Variants in CEP89 observed in about 807,000 individuals in gnomAD.
CEP89 encodes the protein centrosomal protein 89.
CEP89 carries 95 observed loss-of-function variants against 97.6 expected under a neutral mutation model. That is an observed-to-expected ratio of 0.97 (90% CI 0.82 to 1.15). The LOEUF is 1.15. Ranked by LOEUF, CEP89 falls within the 50% of genes most tolerant of loss-of-function variation. CEP89 has a pLI of 0.00. For missense variants in CEP89, 869 were observed against 947.7 expected (o/e 0.92, Z 1.09); for synonymous variants, 354 against 349.1 (o/e 1.01, Z -0.16).
intron 5 of CEP89, among the ~76,000 whole-genome samples, chr19:32,941,411 G>C (rs563738099): frequency 3.4e-4 from 52 of 152,220 alleles, no homozygotes; most frequent in African/African-American, 1.2e-3. Flanking sequence ...GCTGAGGCAG[G>C]AGAATTGCTT....
chr19:32,923,612 G>A (rs1299967333), intron 11 of CEP89, 70 bp from the exon 12 acceptor site: 20 of 971,046 alleles, frequency 2.1e-5, no homozygotes, highest in South Asian at 9.8e-5. Context: ...TTCTGGTGCT[G>A]CTGCTGTGGC....
At chr19:32,971,659 A>T (rs1276679653) in intron 1 of CEP89, 177 bp downstream of exon 1, 1 of 120,332 alleles carries the variant, frequency 8.3e-6, no homozygotes, top group Non-Finnish European at 1.5e-5. Flanking sequence ...CCTGTTTCTT[A>T]AAAAAAAAAA....
chr19:32,947,098 G>A (rs1036640291), intron 5 of CEP89, among the ~76,000 whole-genome samples: 7 of 152,142 alleles, frequency 4.6e-5, no homozygotes, highest in African/African-American at 7.2e-5. Context: ...TTACAGAAAC[G>A]TTTCCCTGAG....
At chr19:32,952,665 A>C (rs1970946530) in intron 4 of CEP89, among the ~76,000 whole-genome samples, 1 of 152,012 alleles carries the variant, frequency 6.6e-6, no homozygotes, top group African/African-American at 2.4e-5. Context: ...GTACTTTGAA[A>C]GGCTGAGGCA....
At chr19:32,941,788 G>A (rs60991474) in intron 5 of CEP89, among the ~76,000 whole-genome samples, 7,183 of 152,094 alleles carry the variant, frequency 0.047, 596 homozygotes, top group African/African-American at 0.17. Flanking sequence ...CCCAGACTAC[G>A]GTTTGCAATC....
At chr19:32,902,853 T>C (rs544679729) in intron 14 of CEP89, among the ~76,000 whole-genome samples, 4 of 152,286 alleles carry the variant, frequency 2.6e-5, no homozygotes, top group Admixed American at 1.3e-4. Flanking sequence ...CTACAAACAG[T>C]AGGCAGAACA....
chr19:32,944,245 C>A (rs973832714), intron 5 of CEP89, among the ~76,000 whole-genome samples: 4 of 63,644 alleles, frequency 6.3e-5, no homozygotes, highest in Non-Finnish European at 1.3e-4. Flanking sequence ...AAAGACTCTT[C>A]TTCTGACTGA....
intron 4 of CEP89, among the ~76,000 whole-genome samples, chr19:32,951,530 T>TACACACACACACAC (rs1161229765): frequency 4.7e-5 from 5 of 107,418 alleles, no homozygotes; most frequent in African/African-American, 2.1e-4. Flanking sequence ...TATATATATA[T>TACACACACACACAC]ATATACACAC....
intron 14 of CEP89, among the ~76,000 whole-genome samples, chr19:32,908,893 C>A (rs1969943915): frequency 1.3e-5 from 2 of 152,288 alleles, no homozygotes; most frequent in Middle Eastern, 3.4e-3. Context: ...GCTCATTGAA[C>A]TTGTGTGGGG....
intron 5 of CEP89, among the ~76,000 whole-genome samples, chr19:32,945,453 A>C (rs979746817): frequency 2.6e-5 from 4 of 152,152 alleles, no homozygotes; most frequent in Non-Finnish European, 5.9e-5. Flanking sequence ...CCTGTGTGCC[A>C]GGTGCACGTT....
chr19:32,933,062 T>C (rs1970508278), intron 8 of CEP89, among the ~76,000 whole-genome samples: 3 of 131,280 alleles, frequency 2.3e-5, no homozygotes, highest in Non-Finnish European at 5.0e-5. Context: ...ATTAAAATAC[T>C]ATTTCTTTTT....
In CEP89 at chr19:32,933,666, A is replaced by G; in HGVS notation, c.671T>C (p.Ile224Thr). 5 of 1,598,166 alleles carry G rather than the reference A, an allele frequency of 3.1e-6. No homozygotes were observed. Among genetic ancestry groups the G allele is most frequent in the Middle Eastern group, 1.7e-4 (1 of 6,016 alleles). The change falls in exon 8 of 19, where the codon ATA becomes ACA. Residue 224 changes from isoleucine to threonine, a missense_variant. Coordinates refer to ENST00000305768, the MANE Select transcript of CEP89 (RefSeq NM_032816.5). ...ATATCTTTGACGTGCTCTACCAGTT[A>G]TATCTGAAAGGGTTCAGGGGAAAAT... ...LCEKPPPSPD[I>T]TGRARQRYTE...
rs1970588003 is a variant in CEP89, at chr19:32,936,717, G to A, written c.667+914C>T. On this transcript the variant is annotated intron_variant, in intron 7 of 18. Transcript: ENST00000305768. The surrounding 1 kb of genome is among the most constrained non-coding windows in gnomAD (Gnocchi z 4.5). Reference sequence around the variant, plus strand: ...GATGTCAGAGGACCAGCAGCAGAGAGGAGCAACCCACTCCAGGGCCTCCTC... The same window carrying A: ...GATGTCAGAGGACCAGCAGCAGAGAAGAGCAACCCACTCCAGGGCCTCCTC... Among the ~76,000 whole-genome samples the A allele has an allele frequency of 6.6e-6, 1 of 152,116 alleles. No individual in the cohort carries two copies.
chr19:32,888,988 C>T (rs777524424), intron 16 of CEP89, among the ~76,000 whole-genome samples: 3 of 151,800 alleles, frequency 2.0e-5, no homozygotes, highest in African/African-American at 4.8e-5. Flanking sequence ...TTGGGGAAAC[C>T]GAAAGTGATT....
At chr19:32,931,299 A>C in intron 9 of CEP89, 130 bp downstream of exon 9, 1 of 793,086 alleles carries the variant, frequency 1.3e-6, no homozygotes, top group Non-Finnish European at 1.9e-6. Flanking sequence ...GTCCTTAGAA[A>C]CATTGTGCCT....
chr19:32,887,654 C>T (rs148361051), intron 17 of CEP89, 98 bp downstream of exon 17: 2 of 724,652 alleles, frequency 2.8e-6, no homozygotes, highest in Non-Finnish European at 4.9e-6. Flanking sequence ...TAGTGATGCA[C>T]ATGCAAAAGG....
At chr19:32,962,693 T>C (rs1042517801) in intron 2 of CEP89, among the ~76,000 whole-genome samples, 22 of 152,274 alleles carry the variant, frequency 1.4e-4, no homozygotes, top group Non-Finnish European at 2.6e-4. Context: ...AAGCCATAGA[T>C]AGAGAGAAAA....
At chr19:32,896,270 C>T (rs1419124834) in intron 16 of CEP89, among the ~76,000 whole-genome samples, 4 of 152,082 alleles carry the variant, frequency 2.6e-5, no homozygotes, top group Non-Finnish European at 4.4e-5. Flanking sequence ...CAAAATCAGA[C>T]ACATTGGCCA....
In CEP89 at chr19:32,946,522, T is replaced by C. The variant is rs563871114; in HGVS notation, c.595+1744A>G. On this transcript the variant is annotated intron_variant, in intron 5 of 18. Transcript: ENST00000305768. ...ACTCTCTAAATTGTTAAAAATCTTA[T>C]CTGTGGGAGCACAATTAAGTGTGTT... 5.9e-5 allele frequency among the ~76,000 whole-genome samples: 9 copies of C among 152,322 alleles called. No homozygotes were observed. In the South Asian group the frequency reaches 1.0e-3, roughly 18 times the overall value.
Sources: allele counts gnomAD v4.1 joint callset (sites outside exome capture counted in the v4.1 genomes callset), GRCh38; gene constraint gnomAD v4.1.1; non-coding constraint Gnocchi (gnomAD v3.1); transcripts MANE v1.5; gene names NCBI Gene and HGNC (gene_info 2026-07-23, HGNC 2026-07-21).